Variants in TOP3B observed in about 807,000 individuals in gnomAD.
TOP3B encodes DNA topoisomerase III beta.
A neutral mutation model predicts 93.9 loss-of-function variants in TOP3B; 45 were observed. The observed-to-expected ratio is 0.48, with a 90% CI of 0.38 to 0.61. The LOEUF (loss-of-function observed/expected upper bound fraction) is 0.61, where lower values mean the gene tolerates loss of function less well. TOP3B is among the 20% of genes least tolerant of loss of function. The pLI, the probability that TOP3B is intolerant of heterozygous loss-of-function variation, is 0.00. For missense variants in TOP3B, 750 were observed against 1,156.1 expected (o/e 0.65, Z 5.09); for synonymous variants, 357 against 472.6 (o/e 0.76, Z 3.17).
chr22:21,979,663 C>T (rs905096911), intron 1 of TOP3B, among the ~76,000 whole-genome samples: 6 of 150,122 alleles, frequency 4.0e-5, no homozygotes, highest in Non-Finnish European at 7.4e-5. Context: ...ATTCTCTGGC[C>T]GGGCGCGGTG....
chr22:21,981,534 T>C (rs758919931), intron 1 of TOP3B, among the ~76,000 whole-genome samples: 4 of 152,080 alleles, frequency 2.6e-5, no homozygotes, highest in South Asian at 2.1e-4. Context: ...TCACGGTAAA[T>C]AGACAGTGAG....
chr22:21,959,833 C>A, intron 14 of TOP3B, 97 bp from the exon 15 acceptor site: 1 of 1,506,512 alleles, frequency 6.6e-7, no homozygotes, highest in East Asian at 2.3e-5. Flanking sequence ...TCACCCCTCC[C>A]GCTCTGGCCC....
rs114729996 is a variant in TOP3B, at chr22:21,963,997, C to T, written c.1130G>A (p.Arg377His). 27 of 1,610,778 alleles carry T rather than the reference C, an allele frequency of 1.7e-5. 1 individual carries two copies. Among genetic ancestry groups the T allele is most frequent in the South Asian group, 6.6e-5 (6 of 90,652 alleles). The part of the protein sequence containing the change: ...VKRLLAEGIN[R>H]PRKGHDAGDH... The stretch of plus-strand genomic sequence containing the variant: ...GCCGGCGTCATGGCCTTTCCGCGGG[C>T]GGTTGATACCTTCTGCTAACAACCG... The change falls in exon 11 of 18, where the codon CGC becomes CAC. Residue 377 changes from arginine to histidine, a missense_variant. By Grantham distance (29) the Arg-to-His change is conservative (BLOSUM62 0). Transcript: ENST00000357179. The surrounding 1 kb of genome is among the most constrained non-coding windows in gnomAD (Gnocchi z 4.8).
Position 21,970,416 on chromosome 22 carries a change from G to C in TOP3B, c.385-10C>G. ...GAACAGCATCAAGAACCTGGGGGTG[G>C]GGAGTGGCCAGCTGTGACCCACCTC... On this transcript the variant is annotated splice_polypyrimidine_tract_variant and intron_variant, in intron 5 of 17. Coordinates refer to ENST00000357179, the MANE Select transcript of TOP3B (RefSeq NM_001282112.2). This position sits in a 1 kb window ranked among gnomAD's most constrained non-coding sequence, Gnocchi z 4.4. 1.9e-6 allele frequency: 3 copies of C among 1,612,712 alleles called. No homozygotes were observed. The South Asian group carries it at 3.3e-5, about 18-fold the overall frequency.
rs1366364755 is a variant in TOP3B, at chr22:21,963,171, T to A, written c.1205-278A>T. ...CAACATGGTGAAACCCCGTCTCTAC[T>A]AAAAATACAAAGAAATTAGCTGGGT... On this transcript the variant is annotated intron_variant, in intron 11 of 17. Transcript: ENST00000357179. The surrounding 1 kb of genome is among the most constrained non-coding windows in gnomAD (Gnocchi z 4.8). 3.0e-6 allele frequency: 1 copy of A among 333,272 alleles called. No individual in the cohort carries two copies. 20.6% of individuals were successfully genotyped at this position (333,272 alleles called of 1,614,324 possible).
Position 21,959,593 on chromosome 22 carries a change from T to A in TOP3B, c.1798A>T (p.Ile600Phe). Residue 600 changes from isoleucine to phenylalanine, a missense_variant, in exon 15 of 18, where the codon ATT becomes TTT. Physicochemically the swap from Ile to Phe is conservative, Grantham distance 21 (BLOSUM62 0). Transcript: ENST00000357179. ...KRKFHYFVDS[I>F]AGMDELMEVS... is the part of the protein sequence containing the mutation. ...GGCCAGAGGCAGACTCTACCAGCAA[T>A]GGAGTCGACAAAGTAGTGGAACTTC... The A allele has an allele frequency of 1.2e-6, 2 of 1,609,902 alleles. No homozygotes were observed. Among genetic ancestry groups the A allele is most frequent in the Non-Finnish European group, 1.7e-6 (2 of 1,177,430 alleles).
intron 4 of TOP3B, 170 bp from the exon 5 acceptor site, chr22:21,972,121 C>A (rs1235515537): frequency 1.1e-5 from 6 of 566,058 alleles, no homozygotes; most frequent in Non-Finnish European, 1.2e-5. Flanking sequence ...GCTCAGCCAA[C>A]AGAAAAGAAT....
At position 21,964,229 on chromosome 22, in the gene TOP3B, A is replaced by T. The variant is rs770875139; in HGVS notation, c.1030T>A (p.Tyr344Asn). Residue 344 changes from tyrosine (Y) to asparagine (N), a missense_variant, in exon 10 of 18, where the codon TAC becomes AAC. Tyr to Asn is a moderately radical substitution (Grantham distance 143). Around this residue, in one of 4 missense-constraint regions of TOP3B, gnomAD observed 737 missense variants for 933.7 expected, o/e 0.79. Coordinates refer to ENST00000357179, the MANE Select transcript of TOP3B (RefSeq NM_001282112.2). ...CCCTTCAGGTCAAAGTTCTCAGGGT[A>T]GTGGGTGGTCTCTGTCCGTGGGTAG... ...ISYPRTETTH[Y>N]PENFDLKGSL... 6.2e-7 allele frequency: 1 copy of T among 1,614,130 alleles called. No individual in the cohort carries two copies. The highest frequency in any genetic ancestry group is 8.5e-7 in the Non-Finnish European group (1 of 1,180,008).
At chr22:21,968,578 AACC>A (rs1292365178) in intron 7 of TOP3B, 38 bp downstream of exon 7, 1 of 1,609,370 alleles carries the variant, frequency 6.2e-7, no homozygotes, top group South Asian at 1.1e-5. Context: ...CCATGCCCCA[AACC>A]CAGAAAGCCC....
chr22:21,971,742 G>T lies in TOP3B; in HGVS notation c.384+135C>A, dbSNP rs6000359. 9.0e-3 allele frequency: 6,792 copies of T among 756,154 alleles called. 317 individuals carry two copies. The African/African-American group carries it at 0.1, about 11-fold the overall frequency. The allele number at this position is 756,154 out of a possible 1,614,324, so 46.8% of individuals were successfully genotyped here. A position where few individuals can be genotyped will look rare whatever the true frequency, so the allele number is the denominator to read the frequency against. ...CTGTGGAGTTTCAGAATAAAGGGAGGGGAGAGGTGTTTTTAAACCGGTACA... is the reference window on the plus strand; with the variant it reads ...CTGTGGAGTTTCAGAATAAAGGGAGTGGAGAGGTGTTTTTAAACCGGTACA... On this transcript the variant is annotated intron_variant, in intron 5 of 17. Coordinates refer to ENST00000357179, the MANE Select transcript of TOP3B (RefSeq NM_001282112.2). This position sits in a 1 kb window ranked among gnomAD's most constrained non-coding sequence, Gnocchi z 4.6.
In TOP3B at chr22:21,958,592, A is replaced by T; in HGVS notation, c.2007T>A (p.Asp669Glu). The T allele has an allele frequency of 6.2e-7, 1 of 1,614,142 alleles. No individual in the cohort carries two copies. Among genetic ancestry groups the T allele is most frequent in the Non-Finnish European group, 8.5e-7 (1 of 1,180,040 alleles). The change falls in exon 17 of 18, where the codon GAT becomes GAA. Residue 669 changes from aspartate to glutamate, a missense_variant. Transcript: ENST00000357179. ...ATGACCACAGGACCAGCTCGAAGTCATCCAGAGGGCAGCGGAGCTCCTTGT... is the reference window on the plus strand; with the variant it reads ...ATGACCACAGGACCAGCTCGAAGTCTTCCAGAGGGCAGCGGAGCTCCTTGT... Reference protein sequence around the residue: ...KLYKELRCPLDDFELVLWSSG... With the variant: ...KLYKELRCPLEDFELVLWSSG...
At chr22:21,960,514 G>C (rs1011356090) in intron 13 of TOP3B, 65 bp from the exon 14 acceptor site, 2 of 1,598,866 alleles carry the variant, frequency 1.3e-6, no homozygotes, top group Non-Finnish European at 1.7e-6. Context: ...ACCATGTGCT[G>C]TATCACCTGT....
Position 21,970,825 on chromosome 22 carries a change from G to A in TOP3B, c.385-419C>T. 3.0e-6 allele frequency: 1 copy of A among 337,422 alleles called. No homozygotes were observed. The allele number at this position is 337,422 out of a possible 1,614,324, so 20.9% of individuals were successfully genotyped here. A position where few individuals can be genotyped will look rare whatever the true frequency, so the allele number is the denominator to read the frequency against. On this transcript the variant is annotated intron_variant, in intron 5 of 17. Transcript: ENST00000357179. This position sits in a 1 kb window ranked among gnomAD's most constrained non-coding sequence, Gnocchi z 4.4. Reference sequence around the variant, plus strand: ...TAGGAGGGAGGGTTTGGAGGGGTGGGTGGAAATTTTAAGAGGCTGAAGAAA... The same window carrying A: ...TAGGAGGGAGGGTTTGGAGGGGTGGATGGAAATTTTAAGAGGCTGAAGAAA...
At position 21,957,766 on chromosome 22, in the gene TOP3B, C is replaced by T. The variant is rs912477581; in HGVS notation, c.2108-171G>A. Reference sequence around the variant, plus strand: ...ATGTTTCGGCTCCTGGCTGCCATTACCCCTGTTTTCTGCTTACCTGAAACC... The same window carrying T: ...ATGTTTCGGCTCCTGGCTGCCATTATCCCTGTTTTCTGCTTACCTGAAACC... On this transcript the variant is annotated intron_variant, in intron 17 of 17. Coordinates refer to ENST00000357179, the MANE Select transcript of TOP3B (RefSeq NM_001282112.2). 2.8e-5 allele frequency: 42 copies of T among 1,515,026 alleles called. No individual in the cohort carries two copies. The African/African-American group carries it at 4.9e-4, about 18-fold the overall frequency. 93.8% of individuals were successfully genotyped at this position (1,515,026 alleles called of 1,614,324 possible).
In TOP3B at chr22:21,972,665, G is replaced by T; in HGVS notation, c.256C>A (p.Pro86Thr). The change falls in exon 4 of 18, where the codon CCC becomes ACC. Residue 86 changes from proline (P) to threonine (T), a missense_variant. Physicochemically the swap from Pro to Thr is conservative, Grantham distance 38 (BLOSUM62 -1). This residue lies in a region of TOP3B where 737 missense variants were observed against 933.7 expected (regional missense o/e 0.79). Transcript: ENST00000357179. ...GGGTTAGCTTCTTTCTTCTCCGTGG[G>T]AGCTTGGCTGAACAGTTCTGCGGGG... is the stretch of plus-strand genomic sequence containing the variant. Reference protein sequence around the residue: ...VDPAELFSQAPTEKKEANPKL... With the variant: ...VDPAELFSQATTEKKEANPKL... 1 of 1,612,922 alleles carries T rather than the reference G, an allele frequency of 6.2e-7. No individual in the cohort carries two copies.
In TOP3B at chr22:21,964,010, C is replaced by T. The variant is rs752506133; in HGVS notation, c.1117G>A (p.Glu373Lys). The part of the protein sequence containing the change: ...WADTVKRLLA[E>K]GINRPRKGHD... ...CCTTTCCGCGGGCGGTTGATACCTT[C>T]TGCTAACAACCGCTTCACCTGAGGG... Residue 373 changes from glutamate (E) to lysine (K), a missense_variant, in exon 11 of 18, where the codon GAA becomes AAA. By Grantham distance (56) the Glu-to-Lys change is moderately conservative. This residue lies in a region of TOP3B where 737 missense variants were observed against 933.7 expected (regional missense o/e 0.79). Coordinates refer to ENST00000357179, the MANE Select transcript of TOP3B (RefSeq NM_001282112.2). The T allele has an allele frequency of 3.1e-6, 5 of 1,609,350 alleles. No individual in the cohort carries two copies. The highest frequency in any genetic ancestry group is 1.1e-5 in the South Asian group (1 of 90,484).
intron 2 of TOP3B, 129 bp from the exon 3 acceptor site, chr22:21,974,617 T>C: frequency 1.9e-6 from 2 of 1,060,280 alleles, no homozygotes; most frequent in Non-Finnish European, 2.7e-6. Context: ...GTGACGACAT[T>C]CCGCAGACTG....
At chr22:21,977,532 CAAAAAAAAAAAAA>C (rs562870639) in intron 1 of TOP3B, 2 of 77,052 alleles carry the variant, frequency 2.6e-5, no homozygotes, top group Admixed American at 3.2e-4. Context: ...CCATCTCAAA[CAAAAAAAAAAAAA>C]AAAAAAAAAG....
chr22:21,963,666 CT>C lies in TOP3B; in HGVS notation c.1204+256del. ...CTGCCCCCTCCCCCACACCGCCACTCTCTACCCTGGTTTCATTCATGTCCCC... is the reference window on the plus strand; with the variant it reads ...CTGCCCCCTCCCCCACACCGCCACTCCTACCCTGGTTTCATTCATGTCCCC... On this transcript the variant is annotated intron_variant, in intron 11 of 17. Coordinates refer to ENST00000357179, the MANE Select transcript of TOP3B (RefSeq NM_001282112.2). This position sits in a 1 kb window ranked among gnomAD's most constrained non-coding sequence, Gnocchi z 4.8. 2.0e-6 allele frequency: 1 copy of C among 512,762 alleles called. No individual in the cohort carries two copies. The highest frequency in any genetic ancestry group is 3.5e-6 in the Non-Finnish European group (1 of 286,520). The allele number at this position is 512,762 out of a possible 1,614,324, so 31.8% of individuals were successfully genotyped here.
Sources: gnomAD v4.1 joint callset for allele counts (sites outside exome capture counted in the v4.1 genomes callset) on GRCh38, gnomAD v4.1.1 for gene constraint, gnomAD v4.1.1 regional missense constraint, Gnocchi (gnomAD v3.1) non-coding constraint, MANE v1.5 for transcripts, NCBI Gene and HGNC (gene_info 2026-07-23, HGNC 2026-07-21) for gene names.